Variants in COBLL1 observed in about 807,000 individuals in gnomAD.
COBLL1 encodes the protein cordon-bleu protein-like 1.
Under a neutral mutation model 94.8 loss-of-function variants are expected in COBLL1, and 50 were observed. That is an observed-to-expected ratio of 0.53 (90% CI 0.42 to 0.67). COBLL1 has a LOEUF of 0.67. Among genes scored for constraint, COBLL1 ranks in the 30% least tolerant of loss-of-function variants. The pLI, the probability that COBLL1 is intolerant of heterozygous loss-of-function variation, is 0.00. For synonymous variants in COBLL1, 448 were observed against 473.8 expected (o/e 0.95, Z 0.71); for missense variants, 1,362 against 1,348.7 (o/e 1.01, Z -0.15).
chr2:164,743,639 G>C (rs1686708312), intron 3 of COBLL1, 48 bp downstream of exon 3: 1 of 1,420,060 alleles, frequency 7.0e-7, no homozygotes, highest in Non-Finnish European at 1.0e-6. Flanking sequence ...GACTTTCAAT[G>C]GTGGAATAAG....
At chr2:164,690,944 T>C (rs1225909317) in intron 13 of COBLL1, among the ~76,000 whole-genome samples, 1 of 152,212 alleles carries the variant, frequency 6.6e-6, no homozygotes, top group Admixed American at 6.6e-5. Context: ...TCTAAAAATA[T>C]AAATTTGTCA....
In COBLL1 at chr2:164,734,997, A is replaced by G. The variant is rs560843619; in HGVS notation, c.231-4882T>C. Among the ~76,000 whole-genome samples, 5 of 152,276 alleles carry G rather than the reference A, an allele frequency of 3.3e-5. No homozygotes were observed. The South Asian group carries it at 1.0e-3, about 32-fold the overall frequency. On this transcript the variant is annotated intron_variant, in intron 3 of 13. Transcript: ENST00000652658. ...CTTGGGAGTTTACAATGAGATTATA[A>G]AGGGCATTGAACCTTCCACAGGAAG...
intron 2 of COBLL1, among the ~76,000 whole-genome samples, chr2:164,801,396 G>A (rs927353065): frequency 2.4e-5 from 3 of 124,694 alleles, no homozygotes; most frequent in East Asian, 2.6e-4. Context: ...CCGAGATCGC[G>A]CCACTGCACT....
chr2:164,767,838 T>A (rs1419265409), intron 2 of COBLL1, among the ~76,000 whole-genome samples: 1 of 152,160 alleles, frequency 6.6e-6, no homozygotes, highest in Non-Finnish European at 1.5e-5. Context: ...ATAATATTTT[T>A]TAAATTACAT....
chr2:164,702,769 T>A (rs1684373650), intron 9 of COBLL1, among the ~76,000 whole-genome samples: 1 of 151,960 alleles, frequency 6.6e-6, no homozygotes, highest in South Asian at 2.1e-4. Context: ...CTCAGCCTCA[T>A]GAGTAGCTGG....
intron 7 of COBLL1, among the ~76,000 whole-genome samples, chr2:164,717,081 G>A (rs1685207467): frequency 6.6e-6 from 1 of 152,020 alleles, no homozygotes; most frequent in African/African-American, 2.4e-5. Flanking sequence ...TTACCCGCAT[G>A]AATAAGCATT....
At chr2:164,679,970 C>T (rs1682965339), downstream of COBLL1, among the ~76,000 whole-genome samples, 1 of 151,270 alleles carries the variant, frequency 6.6e-6, no homozygotes. Context: ...TAATACTGTG[C>T]TCCATCAGAT....
intron 2 of COBLL1, among the ~76,000 whole-genome samples, chr2:164,756,611 C>T (rs957687716): frequency 4.6e-5 from 7 of 152,028 alleles, no homozygotes; most frequent in East Asian, 1.9e-4. Context: ...TTTAGATAAT[C>T]GTTGTATAAC....
chr2:164,732,416 A>T (rs1224280893), intron 3 of COBLL1, among the ~76,000 whole-genome samples: 1 of 152,170 alleles, frequency 6.6e-6, no homozygotes, highest in Non-Finnish European at 1.5e-5. Flanking sequence ...TTTTTTGGTA[A>T]TATGGTACTC....
chr2:164,755,950 T>C (rs1574527840), intron 2 of COBLL1, among the ~76,000 whole-genome samples: 1 of 152,120 alleles, frequency 6.6e-6, no homozygotes, highest in Non-Finnish European at 1.5e-5. Flanking sequence ...TTAATAGACA[T>C]AGGGCCAGCT....
At chr2:164,839,209 G>A (rs998602451) in intron 2 of COBLL1, among the ~76,000 whole-genome samples, 13 of 152,156 alleles carry the variant, frequency 8.5e-5, no homozygotes, top group East Asian at 1.9e-4. Context: ...AAAAGGGGAC[G>A]GCAAAAGTCC....
intron 2 of COBLL1, among the ~76,000 whole-genome samples, chr2:164,814,383 TAAAGAG>T (rs1684609668): frequency 2.0e-5 from 3 of 152,180 alleles, no homozygotes; most frequent in Non-Finnish European, 4.4e-5. Context: ...TATATAAAAT[TAAAGAG>T]TCTTTACTTT....
intron 5 of COBLL1, 117 bp from the exon 6 acceptor site, chr2:164,722,639 A>G: frequency 1.8e-6 from 1 of 542,192 alleles, no homozygotes; most frequent in South Asian, 3.3e-5. Context: ...TACTAATTAT[A>G]GTCTACAAAG....
rs139962791 is a variant in COBLL1, at chr2:164,839,731, A to G, written c.41+1425T>C. 2.1e-3 allele frequency among the ~76,000 whole-genome samples: 324 copies of G among 152,266 alleles called. 1 individual carries two copies. The highest frequency in any genetic ancestry group is 2.8e-3 in the Non-Finnish European group (189 of 68,028). ...GACAGCTGTCTCATCGTCAATTCAC[A>G]TAATTTTGCAGCTCCACTTAGGAAC... On this transcript the variant is annotated intron_variant, in intron 2 of 13. Transcript: ENST00000652658.
intron 2 of COBLL1, among the ~76,000 whole-genome samples, chr2:164,659,178 G>A (rs1438626663): frequency 2.6e-5 from 4 of 152,192 alleles, no homozygotes; most frequent in South Asian, 2.1e-4. Flanking sequence ...TCTAGTGCCC[G>A]AGTGAGGGCT....
intron 7 of COBLL1, among the ~76,000 whole-genome samples, chr2:164,708,781 T>C (rs1361726924): frequency 6.6e-6 from 1 of 152,248 alleles, no homozygotes; most frequent in African/African-American, 2.4e-5. Flanking sequence ...GCTTAAAGCA[T>C]GAAGCAACAA....
intron 2 of COBLL1, among the ~76,000 whole-genome samples, chr2:164,780,099 G>A (rs1027903320): frequency 2.0e-5 from 3 of 152,146 alleles, no homozygotes; most frequent in African/African-American, 7.2e-5. Context: ...TAGCAACACA[G>A]AGCTGACTAC....
At chr2:164,661,364 A>G (rs1406685544) in intron 2 of COBLL1, among the ~76,000 whole-genome samples, 1 of 152,158 alleles carries the variant, frequency 6.6e-6, no homozygotes, top group African/African-American at 2.4e-5. Context: ...GGCTCATACA[A>G]AGAAGAAACT....
At chr2:164,754,645 A>G (rs1687300489) in intron 2 of COBLL1, among the ~76,000 whole-genome samples, 1 of 152,208 alleles carries the variant, frequency 6.6e-6, no homozygotes, top group Admixed American at 6.5e-5. Flanking sequence ...GTTTCAGGTG[A>G]TTTGACGTAC....
Sources: gnomAD v4.1 joint callset for allele counts (sites outside exome capture counted in the v4.1 genomes callset) on GRCh38, gnomAD v4.1.1 for gene constraint, MANE v1.5 for transcripts, NCBI Gene and HGNC (gene_info 2026-07-23, HGNC 2026-07-21) for gene names.